ARMH3: variants seen among roughly 807,000 people sequenced by gnomAD.
ARMH3 encodes armadillo-like helical domain-containing protein 3.
ARMH3 carries 60 observed loss-of-function variants against 99.1 expected under a neutral mutation model. The observed-to-expected ratio is 0.61, with a 90% confidence interval of 0.49 to 0.75. The LOEUF is 0.75. Among genes scored for constraint, ARMH3 ranks in the 30% least tolerant of loss-of-function variants. The pLI is 0.00. For synonymous variants in ARMH3, 285 were observed against 292.8 expected (o/e 0.97, Z 0.27); for missense variants, 679 against 843.1 (o/e 0.81, Z 2.41).
intron 24 of ARMH3, among the ~76,000 whole-genome samples, chr10:101,886,135 A>C (rs933729744): frequency 1.3e-5 from 2 of 152,144 alleles, no homozygotes; most frequent in Non-Finnish European, 2.9e-5. Flanking sequence ...AGAGGTAAAA[A>C]TGAACAAGCT....
At chr10:102,033,804 T>C (rs1427375119) in intron 2 of ARMH3, among the ~76,000 whole-genome samples, 2 of 152,236 alleles carry the variant, frequency 1.3e-5, no homozygotes, top group East Asian at 3.8e-4. Flanking sequence ...TTTGTGTTTT[T>C]TTTCCCAAGT....
intron 19 of ARMH3, among the ~76,000 whole-genome samples, chr10:101,986,215 C>G (rs892960477): frequency 7.2e-5 from 11 of 152,208 alleles, no homozygotes; most frequent in African/African-American, 2.6e-4. Flanking sequence ...GAAGTCTGTA[C>G]CTTTCTTCTG....
chr10:102,025,043 A>G, intron 6 of ARMH3, 113 bp downstream of exon 6: 1 of 882,032 alleles, frequency 1.1e-6, no homozygotes, highest in Non-Finnish European at 1.8e-6. Flanking sequence ...GAGTGATGTA[A>G]TACCCTCATT....
At chr10:101,875,007 G>A (rs1459791274) in intron 24 of ARMH3, among the ~76,000 whole-genome samples, 2 of 152,112 alleles carry the variant, frequency 1.3e-5, no homozygotes, top group African/African-American at 2.4e-5. Context: ...TATGGTTTTT[G>A]CATTTTTGTA....
intron 20 of ARMH3, among the ~76,000 whole-genome samples, chr10:101,968,608 C>G (rs889152584): frequency 1.3e-5 from 2 of 152,170 alleles, no homozygotes; most frequent in Non-Finnish European, 2.9e-5. Flanking sequence ...ACTGCATGCA[C>G]AGAGAAAAGA....
chr10:101,968,674 G>A (rs987961729), intron 20 of ARMH3, among the ~76,000 whole-genome samples: 3 of 152,134 alleles, frequency 2.0e-5, no homozygotes, highest in Non-Finnish European at 4.4e-5. Context: ...TTTTCTCCCT[G>A]TAACAGGCTA....
intron 11 of ARMH3, among the ~76,000 whole-genome samples, 155 bp downstream of exon 11, chr10:102,011,568 G>A (rs1050327160): frequency 6.6e-6 from 1 of 151,696 alleles, no homozygotes; most frequent in East Asian, 1.9e-4. Flanking sequence ...CTCAGTAAAG[G>A]AAATACACTC....
At chr10:102,001,917 T>C (rs1369935816) in intron 15 of ARMH3, 54 bp downstream of exon 15, 3 of 1,484,706 alleles carry the variant, frequency 2.0e-6, no homozygotes, top group East Asian at 2.3e-5. Context: ...TCTTTGATGC[T>C]AGCTGCCTGC....
intron 24 of ARMH3, among the ~76,000 whole-genome samples, chr10:101,875,611 T>A (rs147918690): frequency 6.8e-6 from 1 of 148,128 alleles, no homozygotes; most frequent in African/African-American, 2.5e-5. Flanking sequence ...ATCCATGCCT[T>A]TCAAGCCTGC....
chr10:101,862,707 T>C (rs1158642614), intron 24 of ARMH3, among the ~76,000 whole-genome samples: 2 of 136,326 alleles, frequency 1.5e-5, no homozygotes, highest in Admixed American at 7.3e-5. Context: ...AATGAAATCA[T>C]AAAAAAAAAA....
In ARMH3 at chr10:102,041,632, G is replaced by A. The variant is rs145415639; in HGVS notation, c.-11-1507C>T. 1.6e-4 allele frequency among the ~76,000 whole-genome samples: 24 copies of A among 151,784 alleles called. No homozygotes were observed. In the East Asian group the frequency reaches 4.6e-3, roughly 29 times the overall value. On this transcript the variant is annotated intron_variant, in intron 1 of 25. Transcript: ENST00000370033. ...AAAGCACAGGAAATTTCTCCAACTAGGTATTTTTATTTTATTTTTAGACTT... is the reference window on the plus strand; with the variant it reads ...AAAGCACAGGAAATTTCTCCAACTAAGTATTTTTATTTTATTTTTAGACTT...
rs185592618 is a variant in ARMH3, at chr10:101,985,303, T to C, written c.1406+5248A>G. 6.2e-3 allele frequency among the ~76,000 whole-genome samples: 627 copies of C among 101,254 alleles called. 5 individuals are homozygous for C. Among genetic ancestry groups the C allele is most frequent in the African/African-American group, 0.02 (596 of 30,390 alleles). The allele number at this position is 101,254 out of a possible 152,430, so 66.4% of individuals were successfully genotyped here. ...ATATACGTATATACACACGTATATATACATGTATATACATATATATATACA... is the reference window on the plus strand; with the variant it reads ...ATATACGTATATACACACGTATATACACATGTATATACATATATATATACA... On this transcript the variant is annotated intron_variant, in intron 19 of 25. Coordinates refer to ENST00000370033, the MANE Select transcript of ARMH3 (RefSeq NM_024541.3).
intron 20 of ARMH3, among the ~76,000 whole-genome samples, chr10:101,962,787 G>C (rs1845353512): frequency 6.6e-6 from 1 of 152,084 alleles, no homozygotes; most frequent in African/African-American, 2.4e-5. Flanking sequence ...CTATGAAACT[G>C]TATTGGATCC....
chr10:101,941,194 C>G (rs1340935158), intron 22 of ARMH3, among the ~76,000 whole-genome samples: 1 of 152,214 alleles, frequency 6.6e-6, no homozygotes, highest in Non-Finnish European at 1.5e-5. Flanking sequence ...ACTACAAGAT[C>G]TCTGAAGCCA....
chr10:101,996,735 C>G (rs1265915894), intron 15 of ARMH3, among the ~76,000 whole-genome samples: 2 of 152,054 alleles, frequency 1.3e-5, no homozygotes, highest in African/African-American at 2.4e-5. Context: ...GTCTTTTAAA[C>G]TCTAAAAAAG....
Position 101,957,833 on chromosome 10 carries a change from G to GT in ARMH3, c.1496-102dup, listed in dbSNP as rs555133769. Reference sequence around the variant, plus strand: ...TCTAAAAAAAATCCAGAAGGTTAGAGTGAGTAAGTCTCAGCCACCAAGGTC... The same window carrying GT: ...TCTAAAAAAAATCCAGAAGGTTAGAGTTGAGTAAGTCTCAGCCACCAAGGTC... On this transcript the variant is annotated intron_variant, in intron 20 of 25. Transcript: ENST00000370033. 9.7e-5 allele frequency: 141 copies of GT among 1,446,554 alleles called. No homozygotes were observed. In the African/African-American group the frequency reaches 1.3e-3, roughly 13 times the overall value. 89.6% of individuals were successfully genotyped at this position (1,446,554 alleles called of 1,614,324 possible).
chr10:101,961,868 T>C (rs1003376974), intron 20 of ARMH3, among the ~76,000 whole-genome samples: 3 of 152,228 alleles, frequency 2.0e-5, no homozygotes, highest in African/African-American at 4.8e-5. Flanking sequence ...TAATCAGTCA[T>C]ACATCTGTAA....
At chr10:101,933,291 A>C (rs1331604268) in intron 23 of ARMH3, among the ~76,000 whole-genome samples, 1 of 152,250 alleles carries the variant, frequency 6.6e-6, no homozygotes, top group East Asian at 1.9e-4. Context: ...AGAAAATTTC[A>C]GGATAAGTTT....
chr10:101,867,976 TAA>T (rs77797881), intron 24 of ARMH3, among the ~76,000 whole-genome samples: 13 of 133,416 alleles, frequency 9.7e-5, no homozygotes, highest in Non-Finnish European at 1.3e-4. Context: ...CTGTTTCTAT[TAA>T]AAAAAAAAAA....
Sources: gnomAD v4.1 joint callset for allele counts (sites outside exome capture counted in the v4.1 genomes callset) on GRCh38, gnomAD v4.1.1 for gene constraint, MANE v1.5 for transcripts, NCBI Gene and HGNC (gene_info 2026-07-23, HGNC 2026-07-21) for gene names.